The following LRCH3 variants were observed in gnomAD, a reference collection of about 807,000 sequenced individuals.
LRCH3 encodes the protein DISP complex protein LRCH3.
A neutral mutation model predicts 104.5 loss-of-function variants in LRCH3; 68 were observed. The observed-to-expected ratio is 0.65, with a 90% CI of 0.54 to 0.80. LRCH3 has a LOEUF of 0.80. Ranked by LOEUF, LRCH3 falls within the 30% of genes least tolerant of loss-of-function variation. The pLI is 0.00. For synonymous variants in LRCH3, 344 were observed against 361.3 expected (o/e 0.95, Z 0.54); for missense variants, 951 against 953.9 (o/e 1.00, Z 0.04).
Position 197,815,030 on chromosome 3 carries a change from G to T in LRCH3, c.385G>T (p.Ala129Ser). ...YIPEAILNLQALTFLNISRNQ... is the reference protein window; with the variant it reads ...YIPEAILNLQSLTFLNISRNQ... ...TCCAGAGGCAATTTTAAACCTACAA[G>T]CTCTAACATTCTTAAATATTAGGTA... The change falls in exon 2 of 21, where the codon GCT (alanine) becomes TCT (serine). Residue 129 changes from alanine (A) to serine (S), a missense_variant. Physicochemically the swap from Ala to Ser is moderately conservative, Grantham distance 99. Coordinates refer to ENST00000425562, the MANE Select transcript of LRCH3 (RefSeq NM_001365715.1). 1 of 1,516,280 alleles carries T rather than the reference G, an allele frequency of 6.6e-7. No homozygotes were observed. Among genetic ancestry groups the T allele is most frequent in the Non-Finnish European group, 9.0e-7 (1 of 1,114,706 alleles). 93.9% of individuals were successfully genotyped at this position (1,516,280 alleles called of 1,614,324 possible). A position where few individuals can be genotyped will look rare whatever the true frequency, so the allele number is the denominator to read the frequency against.
chr3:197,871,606 T>C, intron 19 of LRCH3, 144 bp downstream of exon 19: 1 of 1,110,716 alleles, frequency 9.0e-7, no homozygotes, highest in East Asian at 2.4e-5. Context: ...TCACTTCTAC[T>C]CGAGAAGAAA....
chr3:197,795,696 T>TG (rs1398615237), intron 1 of LRCH3, among the ~76,000 whole-genome samples: 2 of 137,450 alleles, frequency 1.5e-5, no homozygotes, highest in Non-Finnish European at 3.1e-5. Flanking sequence ...GTTTTTTTTT[T>TG]TTTTTTTTTT....
chr3:197,825,669 C>CG (rs1357779119), intron 4 of LRCH3, among the ~76,000 whole-genome samples: 2 of 151,126 alleles, frequency 1.3e-5, no homozygotes, highest in African/African-American at 4.9e-5. Context: ...TTAGTAGAGA[C>CG]GGGGTCTCAC....
At chr3:197,813,751 A>C (rs1391391627) in intron 1 of LRCH3, among the ~76,000 whole-genome samples, 1 of 151,448 alleles carries the variant, frequency 6.6e-6, no homozygotes, top group Non-Finnish European at 1.5e-5. Context: ...GGCTGGTCTC[A>C]AACTCCTGAC....
intron 9 of LRCH3, among the ~76,000 whole-genome samples, chr3:197,836,547 GC>G (rs1199592496): frequency 6.6e-6 from 1 of 152,104 alleles, no homozygotes; most frequent in Non-Finnish European, 1.5e-5. Context: ...AAACACTTGG[GC>G]CCTTTTAGAG....
chr3:197,878,413 C>T (rs963986221), intron 20 of LRCH3, among the ~76,000 whole-genome samples: 1 of 152,068 alleles, frequency 6.6e-6, no homozygotes, highest in Non-Finnish European at 1.5e-5. Flanking sequence ...CCAGCCTGCC[C>T]CTGTTCCTAC....
chr3:197,837,080 A>G (rs1412639323), intron 9 of LRCH3, among the ~76,000 whole-genome samples: 1 of 152,108 alleles, frequency 6.6e-6, no homozygotes, highest in Admixed American at 6.5e-5. Context: ...CTTGTATTTA[A>G]AGTTGGATAA....
At chr3:197,803,683 T>C (rs190555093) in intron 1 of LRCH3, among the ~76,000 whole-genome samples, 3 of 152,010 alleles carry the variant, frequency 2.0e-5, no homozygotes, top group Admixed American at 2.0e-4. Context: ...AAGAATTTGC[T>C]CCTTTACTCT....
rs1293843574 is a variant in LRCH3, at chr3:197,792,592, T to TATATATATATATATATATATATAA, written c.262+1065_262+1066insTATATATATAAATATATATATATA. On this transcript the variant is annotated intron_variant, in intron 1 of 20. Transcript: ENST00000425562. Reference sequence around the variant, plus strand: ...CCAGCTAATTTTATATATATATATATATATATATATATAAAATATACATAT... The same window carrying TATATATATATATATATATATATAA: ...CCAGCTAATTTTATATATATATATATATATATATATATATATATATATAAATATATATATATAAAATATACATAT... Among the ~76,000 whole-genome samples, 5 of 73,066 alleles carry TATATATATATATATATATATATAA rather than the reference T, an allele frequency of 6.8e-5. 1 individual carries two copies. In the East Asian group the frequency reaches 2.8e-3, roughly 41 times the overall value. 47.9% of individuals were successfully genotyped at this position (73,066 alleles called of 152,430 possible). A position where few individuals can be genotyped will look rare whatever the true frequency, so the allele number is the denominator to read the frequency against.
chr3:197,853,332 GGT>G (rs1244907932), intron 13 of LRCH3, among the ~76,000 whole-genome samples: 2 of 152,076 alleles, frequency 1.3e-5, no homozygotes, highest in African/African-American at 4.8e-5. Flanking sequence ...TGGGACTACA[GGT>G]GTGCACCACC....
intron 3 of LRCH3, 34 bp downstream of exon 3, chr3:197,817,336 G>GTGTGTATTT (rs1553916510): frequency 5.8e-6 from 3 of 517,926 alleles, no homozygotes; most frequent in South Asian, 2.7e-5. Context: ...CAACATGTGT[G>GTGTGTATTT]TGTGTGTGTC....
At chr3:197,881,111 A>G in intron 20 of LRCH3, 3 of 1,057,392 alleles carry the variant, frequency 2.8e-6, no homozygotes, top group Non-Finnish European at 3.4e-6. Context: ...CCTCAGCACA[A>G]GTGTTGAATT....
chr3:197,877,845 A>G (rs554700344), intron 20 of LRCH3, among the ~76,000 whole-genome samples: 3 of 152,176 alleles, frequency 2.0e-5, no homozygotes, highest in African/African-American at 4.8e-5. Flanking sequence ...TTTGATTCCT[A>G]TGGACAAATT....
intron 1 of LRCH3, among the ~76,000 whole-genome samples, chr3:197,809,266 C>A (rs746938585): frequency 6.6e-6 from 1 of 151,750 alleles, no homozygotes; most frequent in Admixed American, 6.6e-5. Context: ...CCACTGCACT[C>A]CAGCTGGGGT....
At chr3:197,798,589 C>A (rs1385768203) in intron 1 of LRCH3, among the ~76,000 whole-genome samples, 2 of 152,146 alleles carry the variant, frequency 1.3e-5, no homozygotes, top group East Asian at 3.9e-4. Context: ...TGAATACTTT[C>A]TAGGTAAGAA....
Position 197,835,677 on chromosome 3 carries a change from A to G in LRCH3, c.1106A>G (p.Glu369Gly). Residue 369 changes from glutamate to glycine, a missense_variant, in exon 9 of 21, where the codon GAA becomes GGA. Glu to Gly is a moderately conservative substitution (Grantham distance 98). Coordinates refer to ENST00000425562, the MANE Select transcript of LRCH3 (RefSeq NM_001365715.1). ...GSLVVTNGGV[E>G]HDLDQIDYID... ...GGTGTGTGTGTGGTGTATACAGTGG[A>G]ACATGATCTGGATCAGATTGACTAC... is the stretch of plus-strand genomic sequence containing the variant. 6.2e-7 allele frequency: 1 copy of G among 1,612,608 alleles called. No individual in the cohort carries two copies. Among genetic ancestry groups the G allele is most frequent in the Non-Finnish European group, 8.5e-7 (1 of 1,179,380 alleles).
In LRCH3 at chr3:197,791,929, A is replaced by G. The variant is rs927323333; in HGVS notation, c.262+389A>G. Among the ~76,000 whole-genome samples, 13 of 152,246 alleles carry G rather than the reference A, an allele frequency of 8.5e-5. No individual in the cohort carries two copies. In the South Asian group the frequency reaches 1.5e-3, roughly 17 times the overall value. On this transcript the variant is annotated intron_variant, in intron 1 of 20. Coordinates refer to ENST00000425562, the MANE Select transcript of LRCH3 (RefSeq NM_001365715.1). ...TTAGCGCGAGCTCTTCACAGATCAG[A>G]GTAGCAGGGGTGTCTGGACGAGCTG... is the stretch of plus-strand genomic sequence containing the variant.
At chr3:197,881,288 G>A (rs890775121) in intron 20 of LRCH3, 2 of 990,576 alleles carry the variant, frequency 2.0e-6, no homozygotes, top group Non-Finnish European at 1.2e-6. Context: ...TTGCGGTCTG[G>A]ACGTTTCAAA....
chr3:197,871,748 C>A (rs772868276), intron 19 of LRCH3, among the ~76,000 whole-genome samples: 7 of 152,136 alleles, frequency 4.6e-5, no homozygotes, highest in Non-Finnish European at 1.0e-4. Flanking sequence ...CCAGAACGGG[C>A]AAAATTTGAA....
Sources: allele counts gnomAD v4.1 joint callset (sites outside exome capture counted in the v4.1 genomes callset), GRCh38; gene constraint gnomAD v4.1.1; transcripts MANE v1.5; gene names NCBI Gene and HGNC (gene_info 2026-07-23, HGNC 2026-07-21).